Variants in ZP2 observed in about 807,000 individuals in gnomAD.
ZP2 encodes zona pellucida glycoprotein 2.
In ZP2, 51 loss-of-function variants were observed where a neutral mutation model predicts 84.0. The observed-to-expected ratio is 0.61, with a 90% CI of 0.49 to 0.77. ZP2 has a LOEUF of 0.77. Ranked by LOEUF, ZP2 falls within the 30% of genes least tolerant of loss-of-function variation. The pLI is 0.00. For missense variants in ZP2, 909 were observed against 911.9 expected (o/e 1.00, Z 0.04); for synonymous variants, 375 against 330.9 (o/e 1.13, Z -1.45).
Position 21,210,106 on chromosome 16 carries a change from T to A in ZP2, c.235+3A>T, listed in dbSNP as rs1483710353. ...CTATGAGGAGATAACACACGTTACCTACCCACCACAGATGCATGCCATTTC... is the reference window on the plus strand; with the variant it reads ...CTATGAGGAGATAACACACGTTACCAACCCACCACAGATGCATGCCATTTC... On this transcript the variant is annotated splice_donor_region_variant and intron_variant, in intron 3 of 18. Transcript: ENST00000574091. 1 of 1,613,386 alleles carries A rather than the reference T, an allele frequency of 6.2e-7. No individual in the cohort carries two copies. Among genetic ancestry groups the A allele is most frequent in the Admixed American group, 1.7e-5 (1 of 59,980 alleles).
chr16:21,203,162 G>T lies in ZP2; in HGVS notation c.1062C>A (p.Ile354=). The change falls in exon 10 of 19, where the codon ATC becomes ATA. Residue 354 remains isoleucine (I), a synonymous_variant. Transcript: ENST00000574091. ...LLRPETVSMV[I]YPECLCESPV... is the part of the protein sequence containing the mutation. ...GTGACTCACAGAGACACTCAGGATA[G>T]ATCACCATGGATACTGTCTCTGGCC... The T allele has an allele frequency of 2.5e-6, 4 of 1,613,922 alleles. No homozygotes were observed. Among genetic ancestry groups the T allele is most frequent in the Non-Finnish European group, 3.4e-6 (4 of 1,179,906 alleles).
In ZP2 at chr16:21,198,864, T is replaced by C. The variant is rs1404879639; in HGVS notation, c.1928-2A>G. On this transcript the variant is annotated splice_acceptor_variant, in intron 16 of 18. Coordinates refer to ENST00000574091, the MANE Select transcript of ZP2 (RefSeq NM_001376232.1). LOFTEE classifies it high-confidence loss of function. ...TCTCTGCTTCAGTGGCCCCTGTGGCTGGAGACAGATGATCAAGTTTGTGTT... is the reference window on the plus strand; with the variant it reads ...TCTCTGCTTCAGTGGCCCCTGTGGCCGGAGACAGATGATCAAGTTTGTGTT... The C allele has an allele frequency of 2.5e-6, 4 of 1,613,414 alleles. No homozygotes were observed. In the Admixed American group the frequency reaches 6.7e-5, roughly 27 times the overall value.
chr16:21,210,280 G>A (rs1273303349), intron 2 of ZP2, 88 bp from the exon 3 acceptor site: 6 of 1,029,870 alleles, frequency 5.8e-6, no homozygotes, highest in Non-Finnish European at 9.1e-6. Context: ...AGATGGGAGG[G>A]ATTCCAGATG....
rs768824439 is a variant in ZP2, at chr16:21,205,718, A to G, written c.528+13T>C. The G allele has an allele frequency of 2.3e-5, 37 of 1,613,928 alleles. No homozygotes were observed. The highest frequency in any genetic ancestry group is 2.9e-5 in the Non-Finnish European group (34 of 1,179,986). On this transcript the variant is annotated intron_variant, in intron 6 of 18. Transcript: ENST00000574091. ...AGGTTATTAAGGTCTGATTTTTAAA[A>G]TTTGCTTCATACCTTACTGTCGTCA...
At chr16:21,206,245 C>T (rs889819373) in intron 5 of ZP2, among the ~76,000 whole-genome samples, 2 of 152,200 alleles carry the variant, frequency 1.3e-5, no homozygotes, top group African/African-American at 4.8e-5. Context: ...GATCCACCTA[C>T]CTCAGCCTCC....
chr16:21,198,401 G>GA (rs1491065801), intron 17 of ZP2, among the ~76,000 whole-genome samples: 2 of 149,170 alleles, frequency 1.3e-5, no homozygotes. Flanking sequence ...ATCTCAAAAA[G>GA]AAAAAAAGAA....
chr16:21,201,893 A>C (rs376880629), intron 12 of ZP2, 39 bp downstream of exon 12: 7 of 1,612,920 alleles, frequency 4.3e-6, no homozygotes, highest in African/African-American at 4.0e-5. Context: ...GCTTGAGTTT[A>C]AACTAGAGCT....
At chr16:21,208,081 G>A (rs1168505771) in intron 4 of ZP2, among the ~76,000 whole-genome samples, 1 of 152,122 alleles carries the variant, frequency 6.6e-6, no homozygotes, top group African/African-American at 2.4e-5. Flanking sequence ...GACAGGCATA[G>A]TGTTGCATGC....
In ZP2 at chr16:21,205,530, T is replaced by C; in HGVS notation, c.583A>G (p.Lys195Glu). The change falls in exon 7 of 19, where the codon AAA (lysine) becomes GAA (glutamate). Residue 195 changes from lysine (K) to glutamate (E), a missense_variant. Coordinates refer to ENST00000574091, the MANE Select transcript of ZP2 (RefSeq NM_001376232.1). ...SIEVGDGARA[K>E]TLTLPEAMKE... ...ATGGCCTCTGGCAGGGTCAGAGTTT[T>C]GGCTCTTGCACCATCACCAACCTCA... is the stretch of plus-strand genomic sequence containing the variant. 5 of 1,614,118 alleles carry C rather than the reference T, an allele frequency of 3.1e-6. No individual in the cohort carries two copies. The highest frequency in any genetic ancestry group is 4.2e-6 in the Non-Finnish European group (5 of 1,180,004).
Position 21,203,244 on chromosome 16 carries a change from T to A in ZP2, c.980A>T (p.Glu327Val). The change falls in exon 10 of 19, where the codon GAA becomes GTA. Residue 327 changes from glutamate to valine, a missense_variant. Coordinates refer to ENST00000574091, the MANE Select transcript of ZP2 (RefSeq NM_001376232.1). Reference sequence around the variant, plus strand: ...GTAGAACTGATGGAGTAGGCATTTTTCAGATAACTGAAATGAGAAAATGTC... The same window carrying A: ...GTAGAACTGATGGAGTAGGCATTTTACAGATAACTGAAATGAGAAAATGTC... ...SKTLLKTKLS[E>V]KCLLHQFYLA... 6.2e-7 allele frequency: 1 copy of A among 1,613,600 alleles called. No homozygotes were observed. Among genetic ancestry groups the A allele is most frequent in the African/African-American group, 1.3e-5 (1 of 75,004 alleles).
At position 21,206,120 on chromosome 16, in the gene ZP2, C is replaced by G. The variant is rs965082341; in HGVS notation, c.484-345G>C. 225 of 319,934 alleles carry G rather than the reference C, an allele frequency of 7.0e-4. 2 individuals are homozygous for G. Among genetic ancestry groups the G allele is most frequent in the Non-Finnish European group, 1.7e-4 (28 of 169,286 alleles). 19.8% of individuals were successfully genotyped at this position (319,934 alleles called of 1,614,324 possible). On this transcript the variant is annotated intron_variant, in intron 5 of 18. Coordinates refer to ENST00000574091, the MANE Select transcript of ZP2 (RefSeq NM_001376232.1). Reference sequence around the variant, plus strand: ...TCAAGCGATTCTCCTGCCCCAGCCTCCCAAGTAGCTGGGATTACAGGAATG... The same window carrying G: ...TCAAGCGATTCTCCTGCCCCAGCCTGCCAAGTAGCTGGGATTACAGGAATG...
intron 14 of ZP2, among the ~76,000 whole-genome samples, 161 bp downstream of exon 14, chr16:21,201,203 CAAAAA>C (rs74269334): frequency 1.8e-5 from 2 of 112,250 alleles, no homozygotes; most frequent in Non-Finnish European, 4.0e-5. Context: ...CATCTCAAAA[CAAAAA>C]AAAAAAAAAC....
chr16:21,209,603 C>T (rs375181392), intron 4 of ZP2, 28 bp downstream of exon 4: 4 of 1,608,406 alleles, frequency 2.5e-6, no homozygotes, highest in African/African-American at 2.7e-5. Flanking sequence ...ACGTACTTCC[C>T]CAAGAACTGC....
At chr16:21,207,228 T>C (rs74904647) in intron 4 of ZP2, among the ~76,000 whole-genome samples, 1,811 of 152,284 alleles carry the variant, frequency 0.012, 35 homozygotes, top group African/African-American at 0.039. Context: ...ATTTCTCTTA[T>C]GTGTACCCTA....
At chr16:21,213,712 T>G (rs1240176541), upstream of ZP2, among the ~76,000 whole-genome samples, 1 of 152,188 alleles carries the variant, frequency 6.6e-6, no homozygotes, top group Non-Finnish European at 1.5e-5. Flanking sequence ...GTAGATTACA[T>G]CCCAGCGGAA....
At chr16:21,211,255 G>A (rs1567218009) in intron 2 of ZP2, 52 bp downstream of exon 2, 3 of 1,555,802 alleles carry the variant, frequency 1.9e-6, no homozygotes, top group Non-Finnish European at 2.7e-6. Flanking sequence ...AGGCCTTCCA[G>A]CTGCAACCTG....
In ZP2 at chr16:21,200,554, A is replaced by G. The variant is rs965098378; in HGVS notation, c.1695-676T>C. 2.6e-5 allele frequency among the ~76,000 whole-genome samples: 4 copies of G among 152,234 alleles called. No individual in the cohort carries two copies. In the South Asian group the frequency reaches 8.3e-4, roughly 32 times the overall value. Reference sequence around the variant, plus strand: ...AATGGGTGAGATCCAGTTGTAGGACAGGACACGGCAGGAGAGCTGTAAGGT... The same window carrying G: ...AATGGGTGAGATCCAGTTGTAGGACGGGACACGGCAGGAGAGCTGTAAGGT... On this transcript the variant is annotated intron_variant, in intron 14 of 18. Transcript: ENST00000574091.
rs34159042 is a variant in ZP2, at chr16:21,197,572, C to T, written c.2146G>A (p.Ala716Thr). ...HKTAGDVGSK[A>T]VAAVAAFAGV... ...GCAAAGGCAGCCACAGCAGCCACAG[C>T]TTTGGAACCAACATCTCCAGCAGTC... The change falls in exon 19 of 19, where the codon GCT becomes ACT. Residue 716 changes from alanine to threonine, a missense_variant. Transcript: ENST00000574091. The T allele has an allele frequency of 8.8e-4, 1,413 of 1,614,214 alleles. No homozygotes were observed. The highest frequency in any genetic ancestry group is 1.1e-3 in the Non-Finnish European group (1,340 of 1,180,030).
At chr16:21,211,075 A>G (rs1416688505) in intron 2 of ZP2, among the ~76,000 whole-genome samples, 2 of 152,146 alleles carry the variant, frequency 1.3e-5, no homozygotes, top group African/African-American at 2.4e-5. Flanking sequence ...TGTGGATACC[A>G]TAAAGCTTGA....
Sources: gnomAD v4.1 joint callset for allele counts (sites outside exome capture counted in the v4.1 genomes callset) on GRCh38, gnomAD v4.1.1 for gene constraint, MANE v1.5 for transcripts, NCBI Gene and HGNC (gene_info 2026-07-23, HGNC 2026-07-21) for gene names.